Variants in DCLK2 observed in about 807,000 individuals in gnomAD.
The protein encoded by DCLK2 is serine/threonine-protein kinase DCLK2.
Under a neutral mutation model 78.4 loss-of-function variants are expected in DCLK2, and 31 were observed. The observed-to-expected ratio is 0.40, with a 90% CI of 0.30 to 0.53. The LOEUF (loss-of-function observed/expected upper bound fraction) is 0.53. Ranked by LOEUF, DCLK2 falls within the 20% of genes least tolerant of loss-of-function variation. The pLI is 0.61. For synonymous variants in DCLK2, 407 were observed against 374.9 expected (o/e 1.09, Z -0.99); for missense variants, 872 against 973.7 (o/e 0.90, Z 1.39).
chr4:150,115,746 C>G (rs867593027), intron 2 of DCLK2, among the ~76,000 whole-genome samples: 1 of 152,194 alleles, frequency 6.6e-6, no homozygotes, highest in African/African-American at 2.4e-5. Context: ...TGAAGCTTAT[C>G]TCATTCCCTA....
chr4:150,081,871 G>A (rs1435808444), intron 1 of DCLK2, among the ~76,000 whole-genome samples: 25 of 150,512 alleles, frequency 1.7e-4, no homozygotes, highest in Admixed American at 1.1e-3. Flanking sequence ...GGCGGCAGGC[G>A]CCTGCAGTCC....
rs549134388 is a variant in DCLK2, at chr4:150,131,920, A to G, written c.756+29108A>G. On this transcript the variant is annotated intron_variant, in intron 2 of 15. Coordinates refer to ENST00000296550, the MANE Select transcript of DCLK2 (RefSeq NM_001040260.4). ...GCTATGTAATTGTGGGACACAGTGT[A>G]AAATGGAAATGCAGACCCCTTGTTC... is the stretch of plus-strand genomic sequence containing the variant. 1.2e-4 allele frequency among the ~76,000 whole-genome samples: 19 copies of G among 152,276 alleles called. 1 individual carries two copies. The highest frequency in any genetic ancestry group is 4.6e-4 in the African/African-American group (19 of 41,522).
chr4:150,129,818 G>A (rs1733175190), intron 2 of DCLK2, among the ~76,000 whole-genome samples: 1 of 151,784 alleles, frequency 6.6e-6, no homozygotes, highest in Admixed American at 6.6e-5. Context: ...TTTAAAATCA[G>A]AAGTCTGTCT....
At chr4:150,211,812 A>G (rs1025680365) in intron 5 of DCLK2, among the ~76,000 whole-genome samples, 9 of 151,816 alleles carry the variant, frequency 5.9e-5, no homozygotes, top group Non-Finnish European at 1.3e-4. Context: ...CTTGACCCCA[A>G]CCTATGATCT....
chr4:150,192,942 ACT>A (rs1326499923), intron 2 of DCLK2, among the ~76,000 whole-genome samples, 194 bp from the exon 3 acceptor site: 1 of 152,030 alleles, frequency 6.6e-6, no homozygotes, highest in Non-Finnish European at 1.5e-5. Context: ...TGAATCCTTG[ACT>A]CTGTTGTTCT....
intron 2 of DCLK2, among the ~76,000 whole-genome samples, chr4:150,135,010 T>A (rs892965758): frequency 2.0e-5 from 3 of 152,238 alleles, no homozygotes; most frequent in African/African-American, 7.2e-5. Context: ...GAATGTTTGC[T>A]ATGAGAAAAT....
At chr4:150,132,659 A>G (rs1733399750) in intron 2 of DCLK2, among the ~76,000 whole-genome samples, 1 of 152,158 alleles carries the variant, frequency 6.6e-6, no homozygotes, top group South Asian at 2.1e-4. Flanking sequence ...ATCATGGGTC[A>G]TGGCAGCCTT....
At chr4:150,255,345 T>A (rs1349309864) in intron 15 of DCLK2, among the ~76,000 whole-genome samples, 1 of 152,196 alleles carries the variant, frequency 6.6e-6, no homozygotes, top group Non-Finnish European at 1.5e-5. Flanking sequence ...CGGGGTCCCT[T>A]CCCCAGCCAG....
At chr4:150,097,287 G>C (rs767968977) in intron 1 of DCLK2, among the ~76,000 whole-genome samples, 1 of 151,388 alleles carries the variant, frequency 6.6e-6, no homozygotes, top group East Asian at 2.0e-4. Context: ...TTCAGCCTCC[G>C]GGTAGCTGGG....
intron 2 of DCLK2, among the ~76,000 whole-genome samples, chr4:150,153,398 C>T (rs779768830): frequency 1.3e-5 from 2 of 151,846 alleles, no homozygotes; most frequent in Non-Finnish European, 2.9e-5. Flanking sequence ...GTGCACTGTC[C>T]TCTACTTGAC....
chr4:150,232,125 A>G (rs1742118732), intron 8 of DCLK2, among the ~76,000 whole-genome samples: 1 of 152,142 alleles, frequency 6.6e-6, no homozygotes, highest in South Asian at 2.1e-4. Flanking sequence ...GATGTTTAGG[A>G]GTCTGTATCT....
intron 2 of DCLK2, among the ~76,000 whole-genome samples, chr4:150,115,202 T>C (rs1731987745): frequency 6.6e-6 from 1 of 152,240 alleles, no homozygotes; most frequent in Non-Finnish European, 1.5e-5. Flanking sequence ...AATGTGTTTT[T>C]CATTTCCAGA....
chr4:150,253,812 C>T (rs1412505521), intron 15 of DCLK2: 1 of 985,356 alleles, frequency 1.0e-6, no homozygotes, highest in Non-Finnish European at 1.2e-6. Context: ...CCATAGTTCT[C>T]CTACCGATGC....
At chr4:150,171,386 C>T (rs563522030) in intron 2 of DCLK2, among the ~76,000 whole-genome samples, 27 of 152,208 alleles carry the variant, frequency 1.8e-4, no homozygotes, top group African/African-American at 6.0e-4. Context: ...GAGGCTGAGG[C>T]GGGAGAATGG....
intron 2 of DCLK2, among the ~76,000 whole-genome samples, chr4:150,151,081 G>A (rs1734861725): frequency 6.9e-6 from 1 of 145,406 alleles, no homozygotes; most frequent in Non-Finnish European, 1.6e-5. Flanking sequence ...AGACCTCCTA[G>A]GTGGTTTTTA....
rs986455276 is a variant in DCLK2 at position 150,202,489 on chromosome 4, C to T, written c.962-1306C>T. Among the ~76,000 whole-genome samples, 7 of 152,086 alleles carry T rather than the reference C, an allele frequency of 4.6e-5. No individual in the cohort carries two copies. The South Asian group carries it at 6.2e-4, about 14-fold the overall frequency. The stretch of plus-strand genomic sequence containing the variant: ...AATACAATAAATATGACTTCATAAA[C>T]GCAGATATTCCTGTTTACAGGTGAT... On this transcript the variant is annotated intron_variant, in intron 4 of 15. Transcript: ENST00000296550.
At chr4:150,143,350 C>A (rs531286082) in intron 2 of DCLK2, among the ~76,000 whole-genome samples, 2 of 152,094 alleles carry the variant, frequency 1.3e-5, no homozygotes, top group African/African-American at 2.4e-5. Flanking sequence ...CTTCAATAAA[C>A]ATCTAAGTGC....
At chr4:150,110,510 G>T (rs1440533023) in intron 2 of DCLK2, among the ~76,000 whole-genome samples, 2 of 151,714 alleles carry the variant, frequency 1.3e-5, no homozygotes, top group African/African-American at 4.8e-5. Context: ...GTAGCTTTTA[G>T]GACACAGTGG....
intron 2 of DCLK2, among the ~76,000 whole-genome samples, chr4:150,144,441 GCA>G (rs199712823): frequency 1.3e-5 from 2 of 151,718 alleles, no homozygotes; most frequent in Non-Finnish European, 2.9e-5. Flanking sequence ...TGATCCGTGT[GCA>G]TATTTTTGTA....
Sources: gnomAD v4.1 joint callset for allele counts (sites outside exome capture counted in the v4.1 genomes callset) on GRCh38, gnomAD v4.1.1 for gene constraint, MANE v1.5 for transcripts, NCBI Gene and HGNC (gene_info 2026-07-23, HGNC 2026-07-21) for gene names.